The following KIF17 variants were observed in gnomAD, a reference collection of about 807,000 sequenced individuals.
KIF17 encodes the protein kinesin family member 17, also known as kinesin-like protein KIF17.
In KIF17, 80 loss-of-function variants were observed where a neutral mutation model predicts 96.8. The ratio of observed to expected loss-of-function variants is 0.83; its 90% CI spans 0.69 to 1.00. KIF17 has a LOEUF of 1.00. Among genes scored for constraint, KIF17 ranks in the 50% least tolerant of loss-of-function variants. The pLI is 0.00. For synonymous variants in KIF17, 567 were observed against 587.5 expected, an observed-to-expected ratio of 0.97 and a Z score of 0.51; for missense variants, 1,280 against 1,372.9, an observed-to-expected ratio of 0.93 and a Z score of 1.07.
intron 6 of KIF17, chr1:20,694,103 CTT>C (rs532701962): frequency 1.4e-5 from 2 of 145,452 alleles, no homozygotes; most frequent in African/African-American, 2.5e-5. Context: ...CCATCCTGTC[CTT>C]TTTTTTTTTT....
chr1:20,705,627 G>A (rs1439491312), intron 4 of KIF17, among the ~76,000 whole-genome samples: 1 of 152,146 alleles, frequency 6.6e-6, no homozygotes, highest in Non-Finnish European at 1.5e-5. Context: ...CATGTCTGTC[G>A]CTGAGTCACC....
At chr1:20,677,783 G>T (rs141522405) in intron 11 of KIF17, among the ~76,000 whole-genome samples, 3,276 of 152,322 alleles carry the variant, frequency 0.022, 131 homozygotes, top group African/African-American at 0.075. Flanking sequence ...TTGAACCCAG[G>T]AGGTGGAGAT....
At chr1:20,710,481 C>T (rs2054416640) in intron 3 of KIF17, among the ~76,000 whole-genome samples, 1 of 152,212 alleles carries the variant, frequency 6.6e-6, no homozygotes, top group Non-Finnish European at 1.5e-5. Flanking sequence ...TATCTGATGG[C>T]TCCCTGCTGG....
chr1:20,711,263 G>A (rs530498741), intron 3 of KIF17, among the ~76,000 whole-genome samples: 3 of 152,244 alleles, frequency 2.0e-5, no homozygotes, highest in African/African-American at 7.2e-5. Context: ...GCAACCCCAG[G>A]AGACAACACC....
chr1:20,717,252 C>T, intron 1 of KIF17: 2 of 572,112 alleles, frequency 3.5e-6, no homozygotes, highest in South Asian at 2.2e-5. Flanking sequence ...TCGCTTGAAC[C>T]CGGGAGGCGG....
At chr1:20,664,818 A>G in intron 14 of KIF17, 56 bp from the exon 15 acceptor site, 6 of 1,534,490 alleles carry the variant, frequency 3.9e-6, no homozygotes, top group Non-Finnish European at 5.4e-6. Context: ...ATGGAGAGAA[A>G]ATGCCCCAAG....
chr1:20,690,352 G>GGGGGCCCCCCC lies in KIF17; in HGVS notation c.1234-18_1234-17insGGGGGGGCCCC. The GGGGGCCCCCCC allele has an allele frequency of 2.2e-6, 1 of 451,172 alleles. No homozygotes were observed. The highest frequency in any genetic ancestry group is 4.3e-6 in the Non-Finnish European group (1 of 235,152). 27.9% of individuals were successfully genotyped at this position (451,172 alleles called of 1,614,324 possible). On this transcript the variant is annotated splice_polypyrimidine_tract_variant and intron_variant, in intron 6 of 14. Coordinates refer to ENST00000400463, the MANE Select transcript of KIF17 (RefSeq NM_001122819.3). ...TTCATACTCCTGGGGGGGTGGGAGG[G>GGGGGCCCCCCC]ACCAGAGGGCAGGCAGCATTTTATC...
Position 20,690,352 on chromosome 1 carries a change from G to GGGCGCCCCC in KIF17, c.1234-18_1234-17insGGGGGCGCC. ...TTCATACTCCTGGGGGGGTGGGAGG[G>GGGCGCCCCC]ACCAGAGGGCAGGCAGCATTTTATC... On this transcript the variant is annotated splice_polypyrimidine_tract_variant and intron_variant, in intron 6 of 14. Coordinates refer to ENST00000400463, the MANE Select transcript of KIF17 (RefSeq NM_001122819.3). 1 of 451,174 alleles carries GGGCGCCCCC rather than the reference G, an allele frequency of 2.2e-6. No individual in the cohort carries two copies. The highest frequency in any genetic ancestry group is 4.3e-6 in the Non-Finnish European group (1 of 235,152). 27.9% of individuals were successfully genotyped at this position (451,174 alleles called of 1,614,324 possible).
In KIF17 at chr1:20,690,311, G is replaced by C; in HGVS notation, c.1258C>G (p.Leu420Val). ...REEYEERLARLKADYKAEQES... is the reference protein window; with the variant it reads ...REEYEERLARVKADYKAEQES... ...TGCTCGGCCTTATAGTCGGCTTTCA[G>C]CCGGGCCAGGCGCTCTTCATACTCC... The change falls in exon 7 of 15, where the codon CTG becomes GTG. Residue 420 changes from leucine to valine, a missense_variant. By Grantham distance (32) the Leu-to-Val change is conservative (BLOSUM62 1). Coordinates refer to ENST00000400463, the MANE Select transcript of KIF17 (RefSeq NM_001122819.3). 1 of 1,600,586 alleles carries C rather than the reference G, an allele frequency of 6.2e-7. No individual in the cohort carries two copies. Among genetic ancestry groups the C allele is most frequent in the Non-Finnish European group, 8.5e-7 (1 of 1,176,258 alleles).
rs553328681 is a variant in KIF17, at chr1:20,713,565, G to A, written c.379-10C>T. On this transcript the variant is annotated splice_polypyrimidine_tract_variant and intron_variant, in intron 2 of 14. Transcript: ENST00000400463. ...TAGTGTTCTCTGCACACTGCAGGGA[G>A]TACACAGAAAGAACCTAGACCTCAG... is the stretch of plus-strand genomic sequence containing the variant. 6.3e-7 allele frequency: 1 copy of A among 1,596,010 alleles called. No individual in the cohort carries two copies. Among genetic ancestry groups the A allele is most frequent in the Non-Finnish European group, 8.6e-7 (1 of 1,165,778 alleles).
chr1:20,699,710 G>A lies in KIF17; in HGVS notation c.1124-1222C>T, dbSNP rs1052543505. 4.1e-5 allele frequency among the ~76,000 whole-genome samples: 6 copies of A among 145,706 alleles called. No individual in the cohort carries two copies. Among genetic ancestry groups the A allele is most frequent in the Admixed American group, 6.7e-5 (1 of 14,958 alleles). ...GGGGAGCTTGCTAGACAGGGGGAGC[G>A]GTGAGTGCGAGGGCCCTGAGGCGGT... is the stretch of plus-strand genomic sequence containing the variant. On this transcript the variant is annotated intron_variant, in intron 5 of 14. Coordinates refer to ENST00000400463, the MANE Select transcript of KIF17 (RefSeq NM_001122819.3). This position sits in a 1 kb window ranked among gnomAD's most constrained non-coding sequence, Gnocchi z 4.3.
intron 14 of KIF17, among the ~76,000 whole-genome samples, chr1:20,665,856 C>T (rs879544300): frequency 1.3e-5 from 2 of 152,208 alleles, no homozygotes; most frequent in Non-Finnish European, 2.9e-5. Context: ...GAGGAAGTCA[C>T]AATGCTGGCG....
Position 20,682,739 on chromosome 1 carries a change from C to T in KIF17, c.2377G>A (p.Gly793Arg), listed in dbSNP as rs200844482. ...TAGACGTTAAGCAGCACCCAGTCCC[C>T]GCTGTCCTCATCCGAGTTCTGCAGG... is the stretch of plus-strand genomic sequence containing the variant. ...AALQNSDEDS[G>R]DWVLLNVYDS... The change falls in exon 11 of 15, where the codon GGG (glycine) becomes AGG (arginine). Residue 793 changes from glycine (G) to arginine (R), a missense_variant. Gly to Arg is a moderately radical substitution (Grantham distance 125, BLOSUM62 -2). Coordinates refer to ENST00000400463, the MANE Select transcript of KIF17 (RefSeq NM_001122819.3). 6.8e-5 allele frequency: 110 copies of T among 1,613,568 alleles called. No homozygotes were observed. The highest frequency in any genetic ancestry group is 1.7e-4 in the Admixed American group (10 of 60,032).
At chr1:20,673,520 C>T (rs1344880247) in intron 11 of KIF17, among the ~76,000 whole-genome samples, 1 of 150,052 alleles carries the variant, frequency 6.7e-6, no homozygotes, top group Admixed American at 6.8e-5. Flanking sequence ...GCTACAGTGG[C>T]CCAGCCTGCT....
chr1:20,667,773 C>A (rs2053553061), intron 13 of KIF17, among the ~76,000 whole-genome samples: 1 of 152,108 alleles, frequency 6.6e-6, no homozygotes, highest in African/African-American at 2.4e-5. Flanking sequence ...TTTGGGAGGC[C>A]AAGGCAGGCG....
At chr1:20,703,115 A>G (rs2054266466) in intron 5 of KIF17, among the ~76,000 whole-genome samples, 1 of 151,962 alleles carries the variant, frequency 6.6e-6, no homozygotes, top group African/African-American at 2.4e-5. Context: ...ATGGATGGGT[A>G]GATAAAATGA....
At chr1:20,690,414 G>A (rs2054018730) in intron 6 of KIF17, 79 bp from the exon 7 acceptor site, 28 of 1,386,272 alleles carry the variant, frequency 2.0e-5, no homozygotes, top group Non-Finnish European at 2.8e-5. Context: ...TTCCTTTTTG[G>A]TTATTCAAAC....
Position 20,709,867 on chromosome 1 carries a change from C to T in KIF17, c.481-39G>A, listed in dbSNP as rs780230828. 21 of 1,558,544 alleles carry T rather than the reference C, an allele frequency of 1.3e-5. No individual in the cohort carries two copies. In the East Asian group the frequency reaches 1.7e-4, roughly 12 times the overall value. ...AACAGTCAGGGGCGGAACCTCCAGC[C>T]GCCAAGGGTTAGGACCAGGGATGGT... On this transcript the variant is annotated intron_variant, in intron 3 of 14. Transcript: ENST00000400463. This position sits in a 1 kb window ranked among gnomAD's most constrained non-coding sequence, Gnocchi z 4.7.
At position 20,698,545 on chromosome 1, in the gene KIF17, T is replaced by G; in HGVS notation, c.1124-57A>C. On this transcript the variant is annotated intron_variant, in intron 5 of 14. Transcript: ENST00000400463. ...TGAGGGGCACATTGTGTGCAGGAACTAAGCAGAAATCTATAAAAAGACGAC... is the reference window on the plus strand; with the variant it reads ...TGAGGGGCACATTGTGTGCAGGAACGAAGCAGAAATCTATAAAAAGACGAC... 9 of 1,161,652 alleles carry G rather than the reference T, an allele frequency of 7.7e-6. No individual in the cohort carries two copies. The South Asian group carries it at 1.1e-4, about 14-fold the overall frequency. 72.0% of individuals were successfully genotyped at this position (1,161,652 alleles called of 1,614,324 possible).
Sources: allele counts gnomAD v4.1 joint callset (sites outside exome capture counted in the v4.1 genomes callset), GRCh38; gene constraint gnomAD v4.1.1; non-coding constraint Gnocchi (gnomAD v3.1); transcripts MANE v1.5; gene names NCBI Gene and HGNC (gene_info 2026-07-23, HGNC 2026-07-21).